Variants in ARHGAP39 observed in about 807,000 individuals in gnomAD.
The protein encoded by ARHGAP39 is rho GTPase-activating protein 39.
A neutral mutation model predicts 106.9 loss-of-function variants in ARHGAP39; 44 were observed. The ratio of observed to expected loss-of-function variants is 0.41; its 90% CI spans 0.32 to 0.53. The LOEUF (loss-of-function observed/expected upper bound fraction) is 0.53. Among genes scored for constraint, ARHGAP39 ranks in the 20% least tolerant of loss-of-function variants. The pLI is 0.21. For missense variants in ARHGAP39, 1,496 were observed against 1,577.3 expected (o/e 0.95, Z 0.87); for synonymous variants, 768 against 693.2 (o/e 1.11, Z -1.69).
Position 144,684,525 on chromosome 8 carries a change from G to A in ARHGAP39, c.-82+1161C>T, listed in dbSNP as rs138210681. Reference sequence around the variant, plus strand: ...CTGGTTAAACCCGTACAGCACTGAGGGGGAGGGGGCCCGGCTGCGTTTCCG... The same window carrying A: ...CTGGTTAAACCCGTACAGCACTGAGAGGGAGGGGGCCCGGCTGCGTTTCCG... On this transcript the variant is annotated intron_variant, in intron 1 of 11. Transcript: ENST00000377307. This position sits in a 1 kb window ranked among gnomAD's most constrained non-coding sequence, Gnocchi z 4.4. Among the ~76,000 whole-genome samples the A allele has an allele frequency of 1.3e-5, 2 of 152,356 alleles. No homozygotes were observed. The highest frequency in any genetic ancestry group is 4.8e-5 in the African/African-American group (2 of 41,596).
intron 3 of ARHGAP39, among the ~76,000 whole-genome samples, chr8:144,573,415 T>G (rs1235607217): frequency 1.4e-5 from 2 of 146,780 alleles, no homozygotes; most frequent in African/African-American, 2.6e-5. Flanking sequence ...ATGAGAACAC[T>G]TGGACACAGG....
intron 1 of ARHGAP39, among the ~76,000 whole-genome samples, chr8:144,653,160 G>T (rs1821614620): frequency 6.6e-6 from 1 of 152,094 alleles, no homozygotes; most frequent in Non-Finnish European, 1.5e-5. Flanking sequence ...GCTGGGCGTG[G>T]TGGCATGTGC....
chr8:144,547,932 A>G lies in ARHGAP39; in HGVS notation c.1154T>C (p.Leu385Pro). The G allele has an allele frequency of 6.3e-7, 1 of 1,591,002 alleles. No individual in the cohort carries two copies. Among genetic ancestry groups the G allele is most frequent in the Non-Finnish European group, 8.6e-7 (1 of 1,169,230 alleles). ...CTCCTTGCCGGCGGGACTGTACTCC[A>G]GGCTCAGGAAGCGCTCGGGACACTT... ...KQKCPERFLS[L>P]EYSPAGKEYV... Residue 385 changes from leucine to proline, a missense_variant, in exon 5 of 12, where the codon CTG becomes CCG. By Grantham distance (98) the Leu-to-Pro change is moderately conservative. Around this residue, in one of 4 missense-constraint regions of ARHGAP39, gnomAD observed 905 missense variants for 816.4 expected, o/e 1.11. Transcript: ENST00000377307. This position sits in a 1 kb window ranked among gnomAD's most constrained non-coding sequence, Gnocchi z 5.2.
chr8:144,583,390 T>C (rs1457069832), intron 2 of ARHGAP39, among the ~76,000 whole-genome samples: 2 of 152,226 alleles, frequency 1.3e-5, no homozygotes, highest in Non-Finnish European at 1.5e-5. Context: ...GCGCACGCAT[T>C]GTGGGGTGAG....
At chr8:144,675,124 G>C (rs1441434224) in intron 1 of ARHGAP39, among the ~76,000 whole-genome samples, 1 of 152,192 alleles carries the variant, frequency 6.6e-6, no homozygotes, top group African/African-American at 2.4e-5. Flanking sequence ...CCAGCTCCAT[G>C]GACCATGCAG....
At chr8:144,665,127 T>C (rs1821929816) in intron 1 of ARHGAP39, among the ~76,000 whole-genome samples, 1 of 152,178 alleles carries the variant, frequency 6.6e-6, no homozygotes, top group African/African-American at 2.4e-5. Flanking sequence ...ATGACTCTCT[T>C]GTTATGTTTT....
At chr8:144,699,184 G>A in the ARHGAP39 span, 5 of 225,722 alleles carry the variant, frequency 2.2e-5, no homozygotes, top group South Asian at 4.4e-5. Flanking sequence ...TGTGAGGCAG[G>A]GTGGTGTGGG....
Position 144,547,803 on chromosome 8 carries a change from G to T in ARHGAP39, c.1283C>A (p.Ser428Tyr). ...YAPNPGGGSYSLQPSPCLLRD... is the reference protein window; with the variant it reads ...YAPNPGGGSYYLQPSPCLLRD... ...CAGCAGGCAGGGGCTGGGCTGCAAG[G>T]AGTACGAACCACCGCCGGGGTTGGG... is the stretch of plus-strand genomic sequence containing the variant. The change falls in exon 5 of 12, where the codon TCC becomes TAC. Residue 428 changes from serine (S) to tyrosine (Y), a missense_variant. Coordinates refer to ENST00000377307, the MANE Select transcript of ARHGAP39 (RefSeq NM_025251.3). The surrounding 1 kb of genome is among the most constrained non-coding windows in gnomAD (Gnocchi z 5.2). 2 of 1,594,304 alleles carry T rather than the reference G, an allele frequency of 1.3e-6. No homozygotes were observed. Among genetic ancestry groups the T allele is most frequent in the Non-Finnish European group, 8.5e-7 (1 of 1,174,366 alleles).
chr8:144,676,518 C>A (rs12114807), intron 1 of ARHGAP39, among the ~76,000 whole-genome samples: 3 of 152,026 alleles, frequency 2.0e-5, no homozygotes, highest in Non-Finnish European at 4.4e-5. Flanking sequence ...CTGATTGGTG[C>A]GTTTACAAAC....
chr8:144,700,040 T>C, the ARHGAP39 span, among the ~76,000 whole-genome samples: 3 of 152,156 alleles, frequency 2.0e-5, no homozygotes, highest in Non-Finnish European at 2.9e-5. The surrounding 1 kb of genome is among the most constrained non-coding windows in gnomAD (Gnocchi z 5.6). Context: ...GACCCGGCCA[T>C]TTCCCGAGGG....
intron 1 of ARHGAP39, among the ~76,000 whole-genome samples, chr8:144,611,308 G>A (rs1820481829): frequency 6.6e-6 from 1 of 152,118 alleles, no homozygotes; most frequent in Admixed American, 6.6e-5. Context: ...GGTCTATCCT[G>A]GTAAATGTCC....
chr8:144,573,060 T>C lies in ARHGAP39; in HGVS notation c.512+7786A>G, dbSNP rs530904279. Among the ~76,000 whole-genome samples, 10 of 152,316 alleles carry C rather than the reference T, an allele frequency of 6.6e-5. 1 individual carries two copies. Among genetic ancestry groups the C allele is most frequent in the African/African-American group, 2.4e-4 (10 of 41,566 alleles). The stretch of plus-strand genomic sequence containing the variant: ...ACAGTGTGGCAATTCGTCAAGGATT[T>C]AGAACTAGAAATACCATTTGACCCA... On this transcript the variant is annotated intron_variant, in intron 3 of 11. Transcript: ENST00000377307.
At chr8:144,695,467 T>G in the ARHGAP39 span, among the ~76,000 whole-genome samples, 2 of 150,488 alleles carry the variant, frequency 1.3e-5, no homozygotes, top group South Asian at 4.2e-4. Flanking sequence ...GACTGTCTCT[T>G]CTAGGTGACT....
intron 1 of ARHGAP39, among the ~76,000 whole-genome samples, chr8:144,685,129 C>T (rs538819848): frequency 6.7e-4 from 99 of 148,654 alleles, no homozygotes; most frequent in African/African-American, 2.5e-3. Context: ...ACACTCACAC[C>T]CATCTAGGGC....
At chr8:144,581,958 G>C (rs1429256163) in intron 2 of ARHGAP39, among the ~76,000 whole-genome samples, 1 of 152,066 alleles carries the variant, frequency 6.6e-6, no homozygotes, top group African/African-American at 2.4e-5. Context: ...GATGCTGCCA[G>C]GAGGCGTTCC....
At chr8:144,617,296 C>A (rs1363020232) in intron 1 of ARHGAP39, among the ~76,000 whole-genome samples, 1 of 151,520 alleles carries the variant, frequency 6.6e-6, no homozygotes, top group Non-Finnish European at 1.5e-5. Flanking sequence ...GGGCCTGGCA[C>A]CTCACGTCTC....
At chr8:144,620,928 C>G (rs553817069) in intron 1 of ARHGAP39, among the ~76,000 whole-genome samples, 1 of 152,264 alleles carries the variant, frequency 6.6e-6, no homozygotes. Context: ...AACTGGGAAA[C>G]TGAACAGCAA....
chr8:144,561,626 ACCCCAGTGGTTTCCATCG>A, intron 3 of ARHGAP39, among the ~76,000 whole-genome samples: 1 of 58,962 alleles, frequency 1.7e-5, no homozygotes, highest in South Asian at 4.9e-4. Context: ...TTTCCATCGG[ACCCCAGTGGTTTCCATCG>A]CGCTCCAGTG....
intron 3 of ARHGAP39, among the ~76,000 whole-genome samples, chr8:144,578,894 T>A (rs751221218): frequency 5.3e-5 from 8 of 151,882 alleles, no homozygotes; most frequent in Non-Finnish European, 5.9e-5. Flanking sequence ...ACCTTTGTTT[T>A]TCAAATGATA....
Sources: allele counts gnomAD v4.1 joint callset (sites outside exome capture counted in the v4.1 genomes callset), GRCh38; gene constraint gnomAD v4.1.1; regional missense constraint gnomAD v4.1.1; non-coding constraint Gnocchi (gnomAD v3.1); transcripts MANE v1.5; gene names NCBI Gene and HGNC (gene_info 2026-07-23, HGNC 2026-07-21).